The following GNL3 variants were observed in gnomAD, a reference collection of about 807,000 sequenced individuals.
GNL3 encodes the protein guanine nucleotide-binding protein-like 3.
In GNL3, 77 loss-of-function variants were observed where a neutral mutation model predicts 70.6. The observed-to-expected ratio is 1.09, with a 90% CI of 0.91 to 1.32. GNL3 has a LOEUF of 1.32. GNL3 is among the 40% of genes most tolerant of loss of function. GNL3 has a pLI of 0.00. For synonymous variants in GNL3, 252 were observed against 216.1 expected, an observed-to-expected ratio of 1.17 and a Z score of -1.46; for missense variants, 634 against 644.0, an observed-to-expected ratio of 0.98 and a Z score of 0.17.
intron 4 of GNL3, 163 bp downstream of exon 4, chr3:52,687,778 C>T (rs2097323270): frequency 4.9e-6 from 3 of 611,658 alleles, no homozygotes; most frequent in South Asian, 4.1e-5. Flanking sequence ...ACTACAGAAG[C>T]ACACCATCAC....
chr3:52,693,447 G>A lies in GNL3; in HGVS notation c.1227G>A (p.Trp409Ter). Residue 409 changes from tryptophan to a stop codon, truncating the protein, a stop_gained, in exon 12 of 15, where the codon TGG (tryptophan) becomes TGA (stop). Coordinates refer to ENST00000418458, the MANE Select transcript of GNL3 (RefSeq NM_014366.5). LOFTEE classifies it high-confidence loss of function. ...ACTATTGCCATCCCCCTACATCTTG[G>A]ACTCCTCCTCCATATTTTAATGAGA... is the stretch of plus-strand genomic sequence containing the variant. ...LAYYCHPPTS[W>*]TPPPYFNESI... The A allele has an allele frequency of 6.2e-7, 1 of 1,613,816 alleles. No individual in the cohort carries two copies. The highest frequency in any genetic ancestry group is 8.5e-7 in the Non-Finnish European group (1 of 1,179,810).
In GNL3 at chr3:52,691,604, G is replaced by A. The variant is rs376121728; in HGVS notation, c.844G>A (p.Val282Ile). 51 of 1,593,314 alleles carry A rather than the reference G, an allele frequency of 3.2e-5. No homozygotes were observed. Among genetic ancestry groups the A allele is most frequent in the Non-Finnish European group, 4.2e-5 (49 of 1,161,584 alleles). Residue 282 changes from valine to isoleucine, a missense_variant, in exon 9 of 15, where the codon GTT (valine) becomes ATT (isoleucine). By Grantham distance (29) the Val-to-Ile change is conservative. Transcript: ENST00000418458. The part of the protein sequence containing the change: ...NSLKQEQMCN[V>I]GVSMGLTRSM... The stretch of plus-strand genomic sequence containing the variant: ...CTTAAAACAAGAACAGATGTGTAAT[G>A]TTGGTGTATCCATGGGGCTTACAAG...
Position 52,691,006 on chromosome 3 carries a change from G to GA in GNL3, c.716_717insA (p.Leu240ProfsTer34). ...AGTGAAGTCTGCTTTGGGAAAGAGG[G>GA]CCTTTGGAAACTTCTTGGAGGTTTT... is the stretch of plus-strand genomic sequence containing the variant. On this transcript the variant is annotated frameshift_variant, in exon 8 of 15. Transcript: ENST00000418458. LOFTEE classifies it high-confidence loss of function. 6.2e-7 allele frequency: 1 copy of GA among 1,613,680 alleles called. No homozygotes were observed. The highest frequency in any genetic ancestry group is 8.5e-7 in the Non-Finnish European group (1 of 1,179,586).
At chr3:52,690,810 C>T in intron 7 of GNL3, 106 bp downstream of exon 7, 3 of 1,165,974 alleles carry the variant, frequency 2.6e-6, no homozygotes, top group Non-Finnish European at 3.8e-6. Flanking sequence ...CAAGATCCAA[C>T]TCTGATTTCA....
chr3:52,692,516 CA>C (rs2097328255), intron 9 of GNL3, among the ~76,000 whole-genome samples: 1 of 151,656 alleles, frequency 6.6e-6, no homozygotes, highest in Non-Finnish European at 1.5e-5. Flanking sequence ...GGGCTTTCAT[CA>C]TGTTGGCCAG....
chr3:52,693,654 C>G lies in GNL3; in HGVS notation c.1347C>G (p.Ala449=). The part of the protein sequence containing the change: ...SIRAIKGPHL[A]NSILFQSSGL... The stretch of plus-strand genomic sequence containing the variant: ...CAGCCATCAAGGGCCCTCATTTGGC[C>G]AATAGCATCCTTTTCCAGTCTTCCG... Residue 449 remains alanine (A), a synonymous_variant, in exon 13 of 15, where the codon GCC becomes GCG. Transcript: ENST00000418458. The G allele has an allele frequency of 6.2e-7, 1 of 1,613,990 alleles. No individual in the cohort carries two copies. Among genetic ancestry groups the G allele is most frequent in the Non-Finnish European group, 8.5e-7 (1 of 1,179,966 alleles).
intron 9 of GNL3, 73 bp downstream of exon 9, chr3:52,691,702 ATTTTTT>A (rs34449110): frequency 1.2e-4 from 66 of 559,030 alleles, no homozygotes; most frequent in Middle Eastern, 4.1e-4. Context: ...AAGGAAGGTG[ATTTTTT>A]TTTTTTTTTT....
intron 3 of GNL3, 46 bp from the exon 4 acceptor site, chr3:52,687,456 A>G: frequency 6.3e-7 from 1 of 1,591,232 alleles, no homozygotes; most frequent in Non-Finnish European, 8.6e-7. Context: ...GAGTAAGGTA[A>G]CAACACTAGT....
At chr3:52,686,001 G>T, upstream of GNL3, 1 of 779,694 alleles carries the variant, frequency 1.3e-6, no homozygotes, top group Non-Finnish European at 2.4e-6. Context: ...TACGGCGGCA[G>T]CGTAAGTGCG....
intron 9 of GNL3, 74 bp downstream of exon 9, chr3:52,691,703 T>A: frequency 2.3e-5 from 1 of 43,898 alleles, no homozygotes; most frequent in Non-Finnish European, 4.7e-5. Context: ...AGGAAGGTGA[T>A]TTTTTTTTTT....
chr3:52,687,485 C>T lies in GNL3; in HGVS notation c.211-17C>T, dbSNP rs2097321285. On this transcript the variant is annotated splice_polypyrimidine_tract_variant and intron_variant, in intron 3 of 14. Coordinates refer to ENST00000418458, the MANE Select transcript of GNL3 (RefSeq NM_014366.5). Reference sequence around the variant, plus strand: ...CACTAGTCACTGGTTCACCTATTTCCCTTATGGCTCTGACAGCTTGAAGAA... The same window carrying T: ...CACTAGTCACTGGTTCACCTATTTCTCTTATGGCTCTGACAGCTTGAAGAA... The T allele has an allele frequency of 6.3e-7, 1 of 1,599,570 alleles. No homozygotes were observed. Among genetic ancestry groups the T allele is most frequent in the Non-Finnish European group, 8.6e-7 (1 of 1,166,996 alleles).
intron 10 of GNL3, 21 bp downstream of exon 10, chr3:52,693,067 G>A (rs755973024): frequency 1.2e-6 from 2 of 1,609,352 alleles, no homozygotes; most frequent in Non-Finnish European, 1.7e-6. Flanking sequence ...CCCTTCTCAT[G>A]AGCTCCTTGG....
rs1255943560 is a variant in GNL3, at chr3:52,693,827, G to A, written c.1500+20G>A. ...GTTGATGTAAGTGTGTCCTCCATGA[G>A]TTAAAACTGAAGTGAGTTTTCTAGC... On this transcript the variant is annotated intron_variant, in intron 13 of 14. Transcript: ENST00000418458. The A allele has an allele frequency of 1.3e-6, 2 of 1,598,402 alleles. No individual in the cohort carries two copies. Among genetic ancestry groups the A allele is most frequent in the South Asian group, 2.2e-5 (2 of 90,534 alleles).
chr3:52,687,432 T>C lies in GNL3; in HGVS notation c.210+49T>C, dbSNP rs752605416. The C allele has an allele frequency of 8.7e-6, 14 of 1,604,264 alleles. No homozygotes were observed. In the Admixed American group the frequency reaches 2.3e-4, roughly 27 times the overall value. On this transcript the variant is annotated intron_variant, in intron 3 of 14. Coordinates refer to ENST00000418458, the MANE Select transcript of GNL3 (RefSeq NM_014366.5). ...TCATTGAGTGGTGTAGTGTGTTATG[T>C]GTGATATTTTTCAGAGTAAGGTAAC...
chr3:52,689,024 T>C (rs773008011), intron 5 of GNL3, 50 bp from the exon 6 acceptor site: 4 of 1,521,522 alleles, frequency 2.6e-6, no homozygotes, highest in Admixed American at 1.7e-5. Flanking sequence ...GATGTAGTTC[T>C]GATCATTTTC....
Position 52,693,713 on chromosome 3 carries a change from T to C in GNL3, c.1406T>C (p.Ile469Thr). The change falls in exon 13 of 15, where the codon ATA becomes ACA. Residue 469 changes from isoleucine (I) to threonine (T), a missense_variant. Physicochemically the swap from Ile to Thr is moderately conservative, Grantham distance 89. Coordinates refer to ENST00000418458, the MANE Select transcript of GNL3 (RefSeq NM_014366.5). The stretch of plus-strand genomic sequence containing the variant: ...AATGGAATAATAGAAGAAAAGGACA[T>C]ACATGAAGAATTGCCAAAACGGAAA... The part of the protein sequence containing the change: ...LTNGIIEEKD[I>T]HEELPKRKER... 2 of 1,613,784 alleles carry C rather than the reference T, an allele frequency of 1.2e-6. No homozygotes were observed. Among genetic ancestry groups the C allele is most frequent in the Non-Finnish European group, 1.7e-6 (2 of 1,179,802 alleles).
At chr3:52,686,490 G>T (rs1445798853) in intron 1 of GNL3, 15 of 571,084 alleles carry the variant, frequency 2.6e-5, no homozygotes, top group Non-Finnish European at 4.0e-5. Context: ...CGTGCTGTTT[G>T]ACACGAAGTG....
At position 52,693,266 on chromosome 3, in the gene GNL3, A is replaced by G; in HGVS notation, c.1124A>G (p.His375Arg). The change falls in exon 11 of 15, where the codon CAC becomes CGC. Residue 375 changes from histidine (H) to arginine (R), a missense_variant. Physicochemically the swap from His to Arg is conservative, Grantham distance 29 (BLOSUM62 0). Transcript: ENST00000418458. ...GTGCTTGCTCAGAGAAGAGGTATGC[A>G]CCAAAAAGGTGGAATCCCAAATGTT... is the stretch of plus-strand genomic sequence containing the variant. ...FTVLAQRRGM[H>R]QKGGIPNVEG... The G allele has an allele frequency of 1.2e-6, 2 of 1,614,138 alleles. No individual in the cohort carries two copies. Among genetic ancestry groups the G allele is most frequent in the Non-Finnish European group, 1.7e-6 (2 of 1,180,024 alleles).
intron 10 of GNL3, 46 bp downstream of exon 10, chr3:52,693,092 A>C (rs1356046050): frequency 5.6e-6 from 9 of 1,603,866 alleles, no homozygotes; most frequent in South Asian, 3.3e-5. Context: ...ATCTTCTTTC[A>C]TCATAAGCAT....
Sources: gnomAD v4.1 joint callset for allele counts (sites outside exome capture counted in the v4.1 genomes callset) on GRCh38, gnomAD v4.1.1 for gene constraint, MANE v1.5 for transcripts, NCBI Gene and HGNC (gene_info 2026-07-23, HGNC 2026-07-21) for gene names.